The following TMEM117 variants were observed in gnomAD, a reference collection of about 807,000 sequenced individuals.
The protein encoded by TMEM117 is transmembrane protein 117.
TMEM117 carries 27 observed loss-of-function variants against 52.4 expected under a neutral mutation model. That is an observed-to-expected ratio of 0.51 (90% confidence interval 0.38 to 0.71). The LOEUF is 0.71. Ranked by LOEUF, TMEM117 falls within the 30% of genes least tolerant of loss-of-function variation. TMEM117 has a pLI of 0.00. For synonymous variants in TMEM117, 215 were observed against 206.3 expected (o/e 1.04, Z -0.36); for missense variants, 556 against 630.5 (o/e 0.88, Z 1.26).
intron 5 of TMEM117, among the ~76,000 whole-genome samples, chr12:44,250,970 G>C (rs957294106): frequency 3.9e-5 from 6 of 152,038 alleles, no homozygotes; most frequent in Middle Eastern, 3.2e-3. Context: ...AAACCTACAC[G>C]TTCTGCACTT....
intron 3 of TMEM117, among the ~76,000 whole-genome samples, chr12:44,038,039 C>G (rs1714456449): frequency 6.6e-6 from 1 of 152,170 alleles, no homozygotes; most frequent in Non-Finnish European, 1.5e-5. Context: ...TGTTCTGTCA[C>G]TCACTAAAGC....
At chr12:44,002,789 A>G (rs1020688685) in intron 3 of TMEM117, among the ~76,000 whole-genome samples, 6 of 151,718 alleles carry the variant, frequency 4.0e-5, no homozygotes, top group African/African-American at 1.5e-4. Flanking sequence ...AGTGGTAGGA[A>G]GGAGTGGGCA....
intron 6 of TMEM117, among the ~76,000 whole-genome samples, chr12:44,357,504 A>G (rs1485599093): frequency 2.0e-5 from 3 of 152,146 alleles, no homozygotes; most frequent in Non-Finnish European, 2.9e-5. Context: ...TGGAACTACA[A>G]GTGGATAGAG....
At chr12:44,103,188 T>G (rs1592518869) in intron 3 of TMEM117, among the ~76,000 whole-genome samples, 1 of 151,902 alleles carries the variant, frequency 6.6e-6, no homozygotes, top group Admixed American at 6.6e-5. Flanking sequence ...CTTTATAAGG[T>G]CTTCTTTCTT....
intron 3 of TMEM117, among the ~76,000 whole-genome samples, chr12:44,057,193 C>T (rs1376819907): frequency 4.6e-5 from 7 of 152,122 alleles, no homozygotes; most frequent in Non-Finnish European, 4.4e-5. Context: ...AGCAGTGTAT[C>T]TAAATTGCCC....
intron 3 of TMEM117, among the ~76,000 whole-genome samples, chr12:44,132,948 C>T (rs1429796990): frequency 6.6e-6 from 1 of 152,048 alleles, no homozygotes; most frequent in Non-Finnish European, 1.5e-5. Context: ...TACTCGTGGT[C>T]CCAACTACTT....
chr12:43,955,154 T>C (rs1945286891), intron 3 of TMEM117, among the ~76,000 whole-genome samples: 1 of 152,168 alleles, frequency 6.6e-6, no homozygotes, highest in African/African-American at 2.4e-5. Context: ...GAGCCATTTA[T>C]GACAAAAAAC....
chr12:43,980,752 A>G (rs1945747270), intron 3 of TMEM117, among the ~76,000 whole-genome samples: 1 of 152,168 alleles, frequency 6.6e-6, no homozygotes, highest in Non-Finnish European at 1.5e-5. Flanking sequence ...AAGTACTCAG[A>G]CACAGGTATC....
chr12:44,203,500 G>A (rs984109402), intron 4 of TMEM117, among the ~76,000 whole-genome samples: 1 of 151,906 alleles, frequency 6.6e-6, no homozygotes, highest in South Asian at 2.1e-4. Context: ...GCTAGCTTTG[G>A]GGTTGGTTTG....
At chr12:44,242,647 ATATAT>A (rs1464503428) in intron 5 of TMEM117, among the ~76,000 whole-genome samples, 26 of 147,588 alleles carry the variant, frequency 1.8e-4, no homozygotes, top group South Asian at 4.2e-4. Flanking sequence ...TTCTATCTAT[ATATAT>A]TATATTATAT....
intron 2 of TMEM117, among the ~76,000 whole-genome samples, chr12:43,858,474 A>G (rs991904112): frequency 6.6e-6 from 1 of 152,178 alleles, no homozygotes; most frequent in African/African-American, 2.4e-5. Flanking sequence ...CCCCACAAGA[A>G]GTCCTATAGT....
chr12:44,288,520 A>G (rs1336363145), intron 5 of TMEM117, among the ~76,000 whole-genome samples: 1 of 152,174 alleles, frequency 6.6e-6, no homozygotes, highest in Non-Finnish European at 1.5e-5. Context: ...AGTGTTTTAT[A>G]TTATATAAAT....
intron 4 of TMEM117, among the ~76,000 whole-genome samples, chr12:44,179,062 T>G (rs1042350961): frequency 6.6e-6 from 1 of 151,948 alleles, no homozygotes; most frequent in East Asian, 1.9e-4. Flanking sequence ...GGTGTGGTGG[T>G]GGGTGCCTGT....
chr12:44,016,651 T>C (rs1234767145), intron 3 of TMEM117, among the ~76,000 whole-genome samples: 1 of 152,238 alleles, frequency 6.6e-6, no homozygotes, highest in East Asian at 1.9e-4. Flanking sequence ...CTTCCCTTTA[T>C]TCTTTAGTGG....
At chr12:44,379,671 C>T (rs1951993111) in intron 7 of TMEM117, among the ~76,000 whole-genome samples, 1 of 152,144 alleles carries the variant, frequency 6.6e-6, no homozygotes, top group Non-Finnish European at 1.5e-5. Flanking sequence ...ACAATTGTTT[C>T]TGTGGAAAAC....
At chr12:44,142,652 A>C (rs1180641373) in intron 3 of TMEM117, among the ~76,000 whole-genome samples, 1 of 152,168 alleles carries the variant, frequency 6.6e-6, no homozygotes, top group African/African-American at 2.4e-5. Context: ...GAAAAGGAGC[A>C]AAATTTAAGA....
chr12:44,376,320 A>C, intron 6 of TMEM117: 1 of 428,750 alleles, frequency 2.3e-6, no homozygotes, highest in Non-Finnish European at 4.2e-6. Flanking sequence ...GAAAGAGATA[A>C]ACATGTGTAG....
At chr12:43,828,750 A>T in the TMEM117 span, among the ~76,000 whole-genome samples, 1 of 151,926 alleles carries the variant, frequency 6.6e-6, no homozygotes, top group Non-Finnish European at 1.5e-5. Flanking sequence ...GTTTTTTCCT[A>T]CTACTACAAA....
At chr12:44,261,327 G>A (rs1167063455) in intron 5 of TMEM117, among the ~76,000 whole-genome samples, 4 of 152,148 alleles carry the variant, frequency 2.6e-5, no homozygotes, top group Admixed American at 1.3e-4. Flanking sequence ...ATTCAAACAC[G>A]ACTCTGCCTA....
Sources: allele counts gnomAD v4.1 joint callset (sites outside exome capture counted in the v4.1 genomes callset), GRCh38; gene constraint gnomAD v4.1.1; transcripts MANE v1.5; gene names NCBI Gene and HGNC (gene_info 2026-07-23, HGNC 2026-07-21).